Variants in TCF4 observed in about 807,000 individuals in gnomAD.
The protein encoded by TCF4 is transcription factor 4, also known as SL3-3 enhancer factor 2.
TCF4 carries 3 observed loss-of-function variants against 82.1 expected under a neutral mutation model. That is an observed-to-expected ratio of 0.04 (90% CI 0.02 to 0.09). TCF4 has a LOEUF of 0.09. Among genes scored for constraint, TCF4 ranks in the 10% least tolerant of loss-of-function variants. The pLI, the probability that TCF4 is intolerant of heterozygous loss-of-function variation, is 1.00. For missense variants in TCF4, 518 were observed against 852.7 expected (o/e 0.61, Z 4.89); for synonymous variants, 276 against 309.6 (o/e 0.89, Z 1.14).
intron 8 of TCF4, chr18:55,321,809 CACA>C (rs1381683392): frequency 3.8e-5 from 57 of 1,508,114 alleles, no homozygotes; most frequent in East Asian, 5.0e-5. Context: ...TCCCTTTTTT[CACA>C]ACAATTCCTT....
chr18:55,331,920 C>T (rs2077643497), intron 8 of TCF4: 2 of 152,154 alleles, frequency 1.3e-5, no homozygotes, highest in African/African-American at 4.8e-5. Flanking sequence ...AATTTACCTT[C>T]CTTTCTCTTG....
chr18:55,571,122 A>C (rs1179605271), intron 3 of TCF4, among the ~76,000 whole-genome samples: 2 of 152,208 alleles, frequency 1.3e-5, no homozygotes, highest in Non-Finnish European at 2.9e-5. Flanking sequence ...ACACATGTGC[A>C]TCAAGAGAAA....
At chr18:55,528,050 A>C (rs2097011985) in intron 3 of TCF4, among the ~76,000 whole-genome samples, 1 of 152,190 alleles carries the variant, frequency 6.6e-6, no homozygotes, top group Admixed American at 6.5e-5. Context: ...GTTACACACA[A>C]AAAAAACCAA....
chr18:55,447,316 G>A (rs1233536018), intron 5 of TCF4, among the ~76,000 whole-genome samples: 1 of 150,378 alleles, frequency 6.6e-6, no homozygotes, highest in Non-Finnish European at 1.5e-5. Flanking sequence ...AAAAAAATTA[G>A]ACATTATTAT....
chr18:55,458,575 C>A (rs2095811478), intron 5 of TCF4, among the ~76,000 whole-genome samples: 1 of 152,156 alleles, frequency 6.6e-6, no homozygotes, highest in South Asian at 2.1e-4. Flanking sequence ...AAAGCTGTAA[C>A]ATAACACCAA....
chr18:55,613,203 CAT>C (rs746746319), intron 2 of TCF4, among the ~76,000 whole-genome samples: 59 of 152,098 alleles, frequency 3.9e-4, no homozygotes, highest in East Asian at 1.7e-3. Flanking sequence ...AGAAAATGCA[CAT>C]GTCACCCCAA....
chr18:55,517,155 C>T (rs1270322788), intron 3 of TCF4, among the ~76,000 whole-genome samples: 1 of 152,186 alleles, frequency 6.6e-6, no homozygotes, highest in Non-Finnish European at 1.5e-5. Flanking sequence ...AGTTTCTTAG[C>T]ACCCTGATAC....
At chr18:55,372,190 G>A (rs1389762753) in intron 6 of TCF4, among the ~76,000 whole-genome samples, 3 of 152,056 alleles carry the variant, frequency 2.0e-5, no homozygotes, top group Non-Finnish European at 4.4e-5. Context: ...AGATATACAT[G>A]CCAAATAGTG....
intron 18 of TCF4, 59 bp from the exon 19 acceptor site, chr18:55,228,420 G>A: frequency 6.3e-7 from 1 of 1,599,692 alleles, no homozygotes; most frequent in African/African-American, 1.3e-5. Context: ...GCAGAGGGCA[G>A]CAATGCACTC....
At chr18:55,255,389 C>T (rs1319742452) in intron 14 of TCF4, among the ~76,000 whole-genome samples, 5 of 152,110 alleles carry the variant, frequency 3.3e-5, no homozygotes, top group Admixed American at 3.3e-4. Flanking sequence ...ATCAACTGTT[C>T]ACTGGGGGCA....
At chr18:55,382,931 GCCTT>G (rs2092149620) in intron 6 of TCF4, among the ~76,000 whole-genome samples, 1 of 152,204 alleles carries the variant, frequency 6.6e-6, no homozygotes, top group Admixed American at 6.5e-5. Context: ...TATAGGCCAA[GCCTT>G]CATTCTGCAG....
At chr18:55,531,689 T>A (rs1283247629) in intron 3 of TCF4, among the ~76,000 whole-genome samples, 1 of 152,210 alleles carries the variant, frequency 6.6e-6, no homozygotes, top group Non-Finnish European at 1.5e-5. Context: ...TGTGAATGAC[T>A]CCAGTCCTCA....
chr18:55,446,984 CA>C (rs35946795), intron 5 of TCF4, among the ~76,000 whole-genome samples: 913 of 84,154 alleles, frequency 0.011, 1 homozygote, highest in Non-Finnish European at 0.013. Context: ...GACTCTGTCT[CA>C]AAAAAAAAAA....
At chr18:55,628,688 C>CTAGG (rs942871232) in intron 2 of TCF4, among the ~76,000 whole-genome samples, 36 of 152,138 alleles carry the variant, frequency 2.4e-4, no homozygotes, top group African/African-American at 8.4e-4. Context: ...AAATATTTTT[C>CTAGG]TAGGCCAGAA....
intron 3 of TCF4, among the ~76,000 whole-genome samples, chr18:55,558,642 CT>C (rs1174402775): frequency 6.6e-6 from 1 of 152,118 alleles, no homozygotes; most frequent in Non-Finnish European, 1.5e-5. Context: ...CCTTTAATTT[CT>C]TAATAGATTA....
intron 2 of TCF4, among the ~76,000 whole-genome samples, chr18:55,602,931 C>G (rs2097698667): frequency 6.6e-6 from 1 of 152,046 alleles, no homozygotes; most frequent in African/African-American, 2.4e-5. Context: ...CGCCCCTTCC[C>G]CAGAGCTCAG....
intron 8 of TCF4, among the ~76,000 whole-genome samples, chr18:55,309,330 C>T (rs2071469160): frequency 1.3e-5 from 2 of 150,658 alleles, no homozygotes; most frequent in African/African-American, 2.4e-5. Flanking sequence ...CAATGTTGAT[C>T]ATGTTGATCT....
At chr18:55,522,151 C>G (rs1396746978) in intron 3 of TCF4, among the ~76,000 whole-genome samples, 3 of 152,152 alleles carry the variant, frequency 2.0e-5, no homozygotes, top group Admixed American at 2.0e-4. Flanking sequence ...ATAACAAGAA[C>G]AGGAAAGGCC....
Position 55,283,044 on chromosome 18 carries a change from G to A in TCF4, c.550-3388C>T, listed in dbSNP as rs555483746. On this transcript the variant is annotated intron_variant, in intron 8 of 19. Coordinates refer to ENST00000354452, the MANE Select transcript of TCF4 (RefSeq NM_001083962.2). ...TAACACAGTATATTTAACATGCAAA[G>A]TTAGCGCCATTATCTCTTCTCTTCT... Among the ~76,000 whole-genome samples, 15 of 152,208 alleles carry A rather than the reference G, an allele frequency of 9.9e-5. No individual in the cohort carries two copies. The South Asian group carries it at 2.7e-3, about 27-fold the overall frequency.
Sources: gnomAD v4.1 joint callset for allele counts (sites outside exome capture counted in the v4.1 genomes callset) on GRCh38, gnomAD v4.1.1 for gene constraint, MANE v1.5 for transcripts, NCBI Gene and HGNC (gene_info 2026-07-23, HGNC 2026-07-21) for gene names.